The following SRPX variants were observed in gnomAD, a reference collection of about 807,000 sequenced individuals.
The protein encoded by SRPX is sushi repeat containing protein X-linked.
In SRPX, 24 loss-of-function variants were observed where a neutral mutation model predicts 38.1. The ratio of observed to expected loss-of-function variants is 0.63; its 90% confidence interval spans 0.46 to 0.89. The LOEUF is 0.89. SRPX is among the 40% of genes least tolerant of loss of function. The pLI is 0.00. For missense variants in SRPX, 416 were observed against 377.8 expected, an observed-to-expected ratio of 1.10 and a Z score of -0.84; for synonymous variants, 184 against 153.8, an observed-to-expected ratio of 1.20 and a Z score of -1.45.
intron 1 of SRPX, among the ~76,000 whole-genome samples, chrX:38,205,500 A>G (rs1939191452): frequency 8.9e-6 from 1 of 111,903 alleles, no homozygotes; most frequent in African/African-American, 3.3e-5. Flanking sequence ...AGTAAAATTT[A>G]TCAATTATAC....
rs373366035 is a variant in SRPX, at chrX:38,178,301, T to C, written c.141A>G (p.Ser47=). ...AGCATTCACCTTTATATCTAGGGTG[T>C]GAATACCCGACTTCATCGTCTTCTA... ...SPLEDDEVGY[S]HPRYKDTPWC... is the part of the protein sequence containing the mutation. Residue 47 remains serine (S), a synonymous_variant, in exon 2 of 10, where the codon TCA becomes TCG. Coordinates refer to ENST00000378533, the MANE Select transcript of SRPX (RefSeq NM_006307.5). The C allele has an allele frequency of 8.3e-7, 1 of 1,210,140 alleles. No homozygotes were observed. The highest frequency in any genetic ancestry group is 1.1e-6 in the Non-Finnish European group (1 of 894,436).
At chrX:38,184,967 T>C (rs1938744996) in intron 1 of SRPX, among the ~76,000 whole-genome samples, 1 of 112,101 alleles carries the variant, frequency 8.9e-6, no homozygotes, top group African/African-American at 3.2e-5. Flanking sequence ...GAAGTGAATG[T>C]TTTTATTTCA....
Position 38,154,583 on chromosome X carries a change from G to T in SRPX, c.1090C>A (p.Gln364Lys), listed in dbSNP as rs374467231. Reference protein sequence around the residue: ...LYRLQLGMLQQAQCGLDLRHI... With the variant: ...LYRLQLGMLQKAQCGLDLRHI... The stretch of plus-strand genomic sequence containing the variant: ...CGAAGATCAAGGCCACACTGTGCTT[G>T]CTGGGAAAAAGAAAACCCAACAGGG... Residue 364 changes from glutamine (Q) to lysine (K), a missense_variant and splice_region_variant, in exon 9 of 10, where the codon CAA becomes AAA. Transcript: ENST00000378533. 121 of 1,205,933 alleles carry T rather than the reference G, an allele frequency of 1.0e-4. No homozygotes were observed. Among genetic ancestry groups the T allele is most frequent in the Middle Eastern group, 6.9e-4 (3 of 4,340 alleles).
At chrX:38,159,634 A>C (rs1938200969) in intron 7 of SRPX, among the ~76,000 whole-genome samples, 1 of 112,913 alleles carries the variant, frequency 8.9e-6, no homozygotes, top group Non-Finnish European at 1.9e-5. Context: ...TGTAACTTTC[A>C]TGCCAGTGAT....
intron 4 of SRPX, among the ~76,000 whole-genome samples, chrX:38,165,139 C>T (rs1938341535): frequency 8.9e-6 from 1 of 111,981 alleles, no homozygotes; most frequent in African/African-American, 3.3e-5. Flanking sequence ...TGCAAGGTGT[C>T]CTGTGGGTAA....
At chrX:38,214,266 C>T (rs1939389054) in intron 1 of SRPX, among the ~76,000 whole-genome samples, 1 of 111,690 alleles carries the variant, frequency 9.0e-6, no homozygotes, top group Non-Finnish European at 1.9e-5. Flanking sequence ...GGGCAAGTTA[C>T]CATCTCAGGC....
At chrX:38,164,975 T>C (rs773732031) in intron 4 of SRPX, 80 bp from the exon 5 acceptor site, 1 of 924,511 alleles carries the variant, frequency 1.1e-6, no homozygotes, top group East Asian at 3.2e-5. Flanking sequence ...CAGTTTAAAA[T>C]ACCAAAGCCT....
At chrX:38,172,603 G>A (rs974919423) in intron 3 of SRPX, among the ~76,000 whole-genome samples, 7 of 112,721 alleles carry the variant, frequency 6.2e-5, no homozygotes, top group Non-Finnish European at 1.1e-4. Flanking sequence ...CTGAGATACG[G>A]ATTTATGTGC....
At chrX:38,211,580 A>G (rs1159741767) in intron 1 of SRPX, among the ~76,000 whole-genome samples, 2 of 111,031 alleles carry the variant, frequency 1.8e-5, no homozygotes, top group African/African-American at 6.6e-5. Flanking sequence ...CGCGCCTGTA[A>G]TCCCAGCTAC....
At chrX:38,215,974 A>C (rs770172172) in intron 1 of SRPX, among the ~76,000 whole-genome samples, 2 of 112,270 alleles carry the variant, frequency 1.8e-5, no homozygotes, top group African/African-American at 6.5e-5. Context: ...CTGCCCATTA[A>C]GTGCATATTT....
chrX:38,153,448 T>C (rs951891134), intron 9 of SRPX, among the ~76,000 whole-genome samples: 8 of 109,909 alleles, frequency 7.3e-5, no homozygotes, highest in Non-Finnish European at 1.1e-4. Context: ...TGTCTATCTA[T>C]AGCATCATTT....
intron 1 of SRPX, among the ~76,000 whole-genome samples, chrX:38,198,333 G>A (rs1036972913): frequency 6.2e-5 from 7 of 112,165 alleles, no homozygotes; most frequent in Admixed American, 9.4e-5. Context: ...AAAGAAATGT[G>A]GGGAGGGAGA....
chrX:38,177,513 C>T (rs189920674), intron 2 of SRPX, among the ~76,000 whole-genome samples: 280 of 107,203 alleles, frequency 2.6e-3, no homozygotes, highest in African/African-American at 8.9e-3. Flanking sequence ...GGACAAATTT[C>T]CAGGGCAAAA....
chrX:38,180,105 T>TAA (rs35874204), intron 1 of SRPX, among the ~76,000 whole-genome samples: 1 of 110,045 alleles, frequency 9.1e-6, no homozygotes, highest in African/African-American at 3.3e-5. Context: ...TCATCCAAAT[T>TAA]AAAAAAAAAT....
intron 1 of SRPX, among the ~76,000 whole-genome samples, chrX:38,188,639 T>C (rs1938835399): frequency 9.0e-6 from 1 of 111,643 alleles, no homozygotes; most frequent in Non-Finnish European, 1.9e-5. Flanking sequence ...TGGGCAAAAT[T>C]ATATATATTT....
chrX:38,210,338 G>A (rs1347607142), intron 1 of SRPX, among the ~76,000 whole-genome samples: 1 of 112,087 alleles, frequency 8.9e-6, no homozygotes, highest in Non-Finnish European at 1.9e-5. Flanking sequence ...GAGTAACAAG[G>A]TATACTGGCA....
intron 1 of SRPX, among the ~76,000 whole-genome samples, chrX:38,185,625 T>C (rs1198359522): frequency 9.0e-6 from 1 of 111,406 alleles, no homozygotes; most frequent in Non-Finnish European, 1.9e-5. Context: ...TTCCTCTCAA[T>C]CAAACAGAGA....
At position 38,154,497 on chromosome X, in the gene SRPX, T is replaced by G; in HGVS notation, c.1176A>C (p.Ala392=). Residue 392 remains alanine, a synonymous_variant, in exon 9 of 10, where the codon GCA becomes GCC. Coordinates refer to ENST00000378533, the MANE Select transcript of SRPX (RefSeq NM_006307.5). The part of the protein sequence containing the change: ...VFPTLIGRIG[A]KIMPPALALQ... ...GCGCTAGGGCTGGAGGCATAATCTTTGCTCCTATCCTGCCAATGAGAGTCG... is the reference window on the plus strand; with the variant it reads ...GCGCTAGGGCTGGAGGCATAATCTTGGCTCCTATCCTGCCAATGAGAGTCG... The G allele has an allele frequency of 8.3e-7, 1 of 1,206,386 alleles. No individual in the cohort carries two copies. Among genetic ancestry groups the G allele is most frequent in the Non-Finnish European group, 1.1e-6 (1 of 892,846 alleles).
Position 38,160,935 on chromosome X carries a change from C to G in SRPX, c.773G>C (p.Arg258Thr), listed in dbSNP as rs1245866412. 8.3e-7 allele frequency: 1 copy of G among 1,209,601 alleles called. No homozygotes were observed. Among genetic ancestry groups the G allele is most frequent in the East Asian group, 3.0e-5 (1 of 33,824 alleles). The change falls in exon 6 of 10, where the codon AGA becomes ACA. Residue 258 changes from arginine (R) to threonine (T), a missense_variant and splice_region_variant. Coordinates refer to ENST00000378533, the MANE Select transcript of SRPX (RefSeq NM_006307.5). ...AAACCAATAAGCAGTACTCTTACCT[C>G]TTACTTTAACTCGAAATTTGCAAGT... is the stretch of plus-strand genomic sequence containing the variant. ...KGTCKFRVKV[R>T]VKRCGKLNAP...
Sources: gnomAD v4.1 joint callset for allele counts (sites outside exome capture counted in the v4.1 genomes callset) on GRCh38, gnomAD v4.1.1 for gene constraint, MANE v1.5 for transcripts, NCBI Gene and HGNC (gene_info 2026-07-23, HGNC 2026-07-21) for gene names.